Variants in LRBA observed in about 807,000 individuals in gnomAD.
The protein encoded by LRBA is LPS responsive beige-like anchor protein, also known as lipopolysaccharide-responsive and beige-like anchor protein.
LRBA carries 176 observed loss-of-function variants against 330.0 expected under a neutral mutation model. The ratio of observed to expected loss-of-function variants is 0.53; its 90% CI spans 0.47 to 0.60. The LOEUF is 0.60. Ranked by LOEUF, LRBA falls within the 20% of genes least tolerant of loss-of-function variation. The probability of loss-of-function intolerance (pLI) is 0.00; values close to 1 mark genes in which losing one functional copy is unlikely to be tolerated. For missense variants in LRBA, 3,259 were observed against 3,444.8 expected, an observed-to-expected ratio of 0.95 and a Z score of 1.35; for synonymous variants, 1,230 against 1,193.0, an observed-to-expected ratio of 1.03 and a Z score of -0.64.
At chr4:150,675,133 G>A (rs1452847196) in intron 37 of LRBA, among the ~76,000 whole-genome samples, 1 of 152,010 alleles carries the variant, frequency 6.6e-6, no homozygotes, top group African/African-American at 2.4e-5. Context: ...CCAGGAGGTT[G>A]ATGCTACAGT....
intron 40 of LRBA, among the ~76,000 whole-genome samples, chr4:150,496,395 T>A (rs12506612): frequency 6.6e-6 from 1 of 151,982 alleles, no homozygotes; most frequent in Non-Finnish European, 1.5e-5. Context: ...CCCAACTATA[T>A]ACTCTTATTT....
chr4:150,818,857 T>C (rs1745003521), intron 30 of LRBA, among the ~76,000 whole-genome samples: 2 of 152,048 alleles, frequency 1.3e-5, no homozygotes, highest in African/African-American at 4.8e-5. Context: ...TTTTCTATAA[T>C]CAAAATGTAA....
intron 36 of LRBA, among the ~76,000 whole-genome samples, chr4:150,685,604 T>G (rs1266625136): frequency 6.7e-6 from 1 of 150,024 alleles, no homozygotes; most frequent in Admixed American, 6.7e-5. Flanking sequence ...CAGCTAATTT[T>G]TTTGTATTTT....
intron 37 of LRBA, among the ~76,000 whole-genome samples, chr4:150,618,819 G>A (rs561049984): frequency 1.4e-5 from 2 of 146,048 alleles, no homozygotes; most frequent in East Asian, 4.0e-4. Flanking sequence ...TAAACATTAT[G>A]TATACATATA....
intron 2 of LRBA, among the ~76,000 whole-genome samples, chr4:150,988,955 C>A (rs570020957): frequency 6.6e-6 from 1 of 151,934 alleles, no homozygotes; most frequent in South Asian, 2.1e-4. Flanking sequence ...GTGGGGGGGA[C>A]ACGGTAATTA....
At chr4:150,878,607 T>TA (rs1184049122) in intron 17 of LRBA, among the ~76,000 whole-genome samples, 1,706 of 145,090 alleles carry the variant, frequency 0.012, 27 homozygotes, top group African/African-American at 0.038. Context: ...CTAGCTAGAT[T>TA]AAAAAAAAAA....
At chr4:150,994,660 G>A (rs1048143919) in intron 2 of LRBA, among the ~76,000 whole-genome samples, 2 of 152,138 alleles carry the variant, frequency 1.3e-5, no homozygotes, top group African/African-American at 4.8e-5. Flanking sequence ...GTGGGGAAAG[G>A]TTCTCTAATA....
At chr4:150,689,165 T>C (rs1260807102) in intron 36 of LRBA, among the ~76,000 whole-genome samples, 1 of 152,186 alleles carries the variant, frequency 6.6e-6, no homozygotes, top group African/African-American at 2.4e-5. Context: ...TTCAGGGACG[T>C]GGATGAAGCT....
intron 48 of LRBA, among the ~76,000 whole-genome samples, chr4:150,348,944 T>C (rs1581081392): frequency 6.6e-6 from 1 of 152,134 alleles, no homozygotes; most frequent in Admixed American, 6.5e-5. Context: ...GAAGGAGTAT[T>C]TTCAAAAAAC....
chr4:150,268,032 C>T (rs1392781802), intron 56 of LRBA, among the ~76,000 whole-genome samples: 1 of 147,954 alleles, frequency 6.8e-6, no homozygotes, highest in Non-Finnish European at 1.5e-5. Context: ...TGCACTCCAG[C>T]CTGGGTGATA....
At chr4:150,995,591 A>C (rs1004643479) in intron 2 of LRBA, among the ~76,000 whole-genome samples, 2 of 152,046 alleles carry the variant, frequency 1.3e-5, no homozygotes, top group Admixed American at 6.6e-5. Context: ...TCATACAATA[A>C]TTGGATATTT....
chr4:150,869,873 A>G (rs1039416438), intron 20 of LRBA, among the ~76,000 whole-genome samples: 2 of 152,160 alleles, frequency 1.3e-5, no homozygotes, highest in Admixed American at 1.3e-4. Context: ...TGGGCAACAT[A>G]GGCAAAATAA....
At chr4:150,797,598 A>T (rs1740978411) in intron 34 of LRBA, among the ~76,000 whole-genome samples, 1 of 152,048 alleles carries the variant, frequency 6.6e-6, no homozygotes, top group East Asian at 1.9e-4. Context: ...TCTACATCTT[A>T]TTATGATAGC....
chr4:150,290,517 G>C (rs886575608), intron 53 of LRBA, among the ~76,000 whole-genome samples: 1 of 152,064 alleles, frequency 6.6e-6, no homozygotes, highest in African/African-American at 2.4e-5. Flanking sequence ...ATAATGCTGA[G>C]AGAAAAATTT....
intron 41 of LRBA, among the ~76,000 whole-genome samples, chr4:150,489,585 TATATTATATAAGAATATATAATATATAA>T (rs1561252049): frequency 1.6e-4 from 12 of 76,806 alleles, no homozygotes; most frequent in Non-Finnish European, 2.7e-4. Flanking sequence ...GAATATATAA[TATATTATATAAGAATATATAATATATAA>T]TATATAAGAA....
chr4:150,624,071 T>C (rs181539454), intron 37 of LRBA, among the ~76,000 whole-genome samples: 2 of 152,316 alleles, frequency 1.3e-5, no homozygotes, highest in Non-Finnish European at 2.9e-5. Context: ...TTCGTAAACA[T>C]ATTCAAGTAA....
chr4:150,928,394 T>A, intron 4 of LRBA, 122 bp downstream of exon 4: 1 of 632,744 alleles, frequency 1.6e-6, no homozygotes, highest in East Asian at 2.8e-5. Context: ...CAATGCTATT[T>A]TAATTAATCT....
chr4:150,796,039 T>G (rs1470939309), intron 34 of LRBA, among the ~76,000 whole-genome samples: 1 of 151,966 alleles, frequency 6.6e-6, no homozygotes, highest in African/African-American at 2.4e-5. Context: ...GTTTTTGACC[T>G]GATCTTTCGA....
At chr4:150,745,812 C>CTGGGATTA (rs1412221182) in intron 35 of LRBA, among the ~76,000 whole-genome samples, 39 of 152,120 alleles carry the variant, frequency 2.6e-4, no homozygotes, top group Non-Finnish European at 4.4e-5. Context: ...CTGCGCCCAG[C>CTGGGATTA]CGAGAAAAAA....
Sources: allele counts gnomAD v4.1 joint callset (sites outside exome capture counted in the v4.1 genomes callset), GRCh38; gene constraint gnomAD v4.1.1; transcripts MANE v1.5; gene names NCBI Gene and HGNC (gene_info 2026-07-23, HGNC 2026-07-21).